Variants in ZMIZ1 observed in about 807,000 individuals in gnomAD.
ZMIZ1 encodes the protein zinc finger MIZ domain-containing protein 1.
Under a neutral mutation model 113.9 loss-of-function variants are expected in ZMIZ1, and 17 were observed. That is an observed-to-expected ratio of 0.15 (90% confidence interval 0.10 to 0.22). The LOEUF (loss-of-function observed/expected upper bound fraction) is 0.22. Among genes scored for constraint, ZMIZ1 ranks in the 10% least tolerant of loss-of-function variants. The probability of loss-of-function intolerance (pLI) is 1.00; values close to 1 mark genes in which losing one functional copy is unlikely to be tolerated. For missense variants in ZMIZ1, 1,059 were observed against 1,477.8 expected, an observed-to-expected ratio of 0.72 and a Z score of 4.65; for synonymous variants, 607 against 603.1, an observed-to-expected ratio of 1.01 and a Z score of -0.09.
At chr10:79,089,684 T>C (rs1238326555) in intron 1 of ZMIZ1, among the ~76,000 whole-genome samples, 1 of 152,028 alleles carries the variant, frequency 6.6e-6, no homozygotes, top group Admixed American at 6.5e-5. Context: ...GATCACCACC[T>C]CCGTGAGCAT....
rs149721244 is a variant in ZMIZ1, at chr10:79,082,983, G to A, written c.-337+13713G>A. On this transcript the variant is annotated intron_variant, in intron 1 of 24. Coordinates refer to ENST00000334512, the MANE Select transcript of ZMIZ1 (RefSeq NM_020338.4). ...AGCTACCCAAGGAAGGTGGATTCAT[G>A]TATTCCTTTGTCAAGTTTATCAAGC... is the stretch of plus-strand genomic sequence containing the variant. Among the ~76,000 whole-genome samples the A allele has an allele frequency of 1.5e-3, 229 of 152,300 alleles. 1 individual carries two copies. The highest frequency in any genetic ancestry group is 2.3e-3 in the Non-Finnish European group (158 of 68,028).
intron 4 of ZMIZ1, among the ~76,000 whole-genome samples, chr10:79,166,972 G>A (rs1041171718): frequency 3.3e-5 from 5 of 152,262 alleles, no homozygotes; most frequent in Admixed American, 6.5e-5. Flanking sequence ...TCACATGCTA[G>A]CCTTCTGCCA....
chr10:79,163,440 C>T (rs192993335), intron 4 of ZMIZ1, among the ~76,000 whole-genome samples: 1 of 152,388 alleles, frequency 6.6e-6, no homozygotes, highest in Admixed American at 6.5e-5. Context: ...GACAGAGCTG[C>T]TGTGAGGATG....
In ZMIZ1 at chr10:79,277,188, G is replaced by A; in HGVS notation, c.288G>A (p.Leu96=). 6.5e-7 allele frequency: 1 copy of A among 1,545,624 alleles called. No homozygotes were observed. Among genetic ancestry groups the A allele is most frequent in the Middle Eastern group, 1.9e-4 (1 of 5,290 alleles). ...GTCCTGTCCTTCCTGCAGCCTTGTT[G>A]TCCTCCTGGTGCGAAGAGCTCGGCC... is the stretch of plus-strand genomic sequence containing the variant. ...DKFTPKSAAL[L]SSWCEELGRL... Residue 96 remains leucine, a synonymous_variant, in exon 8 of 25, where the codon TTG becomes TTA. Coordinates refer to ENST00000334512, the MANE Select transcript of ZMIZ1 (RefSeq NM_020338.4).
At chr10:79,232,147 G>T (rs1849418990) in intron 7 of ZMIZ1, among the ~76,000 whole-genome samples, 1 of 152,198 alleles carries the variant, frequency 6.6e-6, no homozygotes, top group Non-Finnish European at 1.5e-5. Flanking sequence ...AGGAAACGGG[G>T]CTAACTGTAA....
chr10:79,222,991 G>T (rs1223986379), intron 7 of ZMIZ1, among the ~76,000 whole-genome samples: 1 of 152,218 alleles, frequency 6.6e-6, no homozygotes, highest in Non-Finnish European at 1.5e-5. Context: ...CTGGCTGAAT[G>T]GTGGACTCTC....
chr10:79,208,571 G>A, intron 6 of ZMIZ1, 122 bp downstream of exon 6: 1 of 801,598 alleles, frequency 1.2e-6, no homozygotes, highest in Non-Finnish European at 2.0e-6. Flanking sequence ...AGAGAGCTGG[G>A]AAGACACTGG....
At chr10:79,157,631 G>C (rs574572698) in intron 3 of ZMIZ1, among the ~76,000 whole-genome samples, 1 of 152,148 alleles carries the variant, frequency 6.6e-6, no homozygotes, top group Non-Finnish European at 1.5e-5. Context: ...TGGCCCGTGG[G>C]CCTTGGCCTG....
At chr10:79,145,085 C>T (rs1564678294) in intron 3 of ZMIZ1, among the ~76,000 whole-genome samples, 1 of 151,900 alleles carries the variant, frequency 6.6e-6, no homozygotes, top group Non-Finnish European at 1.5e-5. Context: ...TCCCCTCCTC[C>T]CTCCTTCCTG....
At chr10:79,274,458 G>C (rs762845046) in intron 7 of ZMIZ1, among the ~76,000 whole-genome samples, 21 of 152,230 alleles carry the variant, frequency 1.4e-4, no homozygotes, top group Non-Finnish European at 1.5e-4. Flanking sequence ...GCCTGCCTCT[G>C]TCTGTCCCTG....
Position 79,298,468 on chromosome 10 carries a change from C to T in ZMIZ1, c.1554C>T (p.Pro518=), listed in dbSNP as rs777619740. ...CACCTGTTCCAGGGAACCCCACACC[C>T]CCCATGACCCCTGGGAGCAGCATCC... The part of the protein sequence containing the change: ...PHSPVPGNPT[P]PMTPGSSIPP... The change falls in exon 15 of 25, where the codon CCC becomes CCT. Residue 518 remains proline, a synonymous_variant. Transcript: ENST00000334512. 3.1e-6 allele frequency: 5 copies of T among 1,607,614 alleles called. No homozygotes were observed. The Middle Eastern group carries it at 6.6e-4, about 213-fold the overall frequency.
chr10:79,109,585 C>T (rs1843667732), intron 1 of ZMIZ1, among the ~76,000 whole-genome samples: 1 of 152,202 alleles, frequency 6.6e-6, no homozygotes, highest in African/African-American at 2.4e-5. Context: ...CACTCCCAGG[C>T]CCCCACACTG....
chr10:79,181,780 A>G (rs928210266), intron 4 of ZMIZ1, among the ~76,000 whole-genome samples: 1 of 151,326 alleles, frequency 6.6e-6, no homozygotes, highest in Non-Finnish European at 1.5e-5. Flanking sequence ...TCTACCCACA[A>G]CCCACAGTCC....
At chr10:79,269,409 T>TG (rs555054154) in intron 7 of ZMIZ1, among the ~76,000 whole-genome samples, 595 of 150,616 alleles carry the variant, frequency 4.0e-3, no homozygotes, top group African/African-American at 0.014. Flanking sequence ...GCCCCATCCC[T>TG]GGGGGTCTCC....
At chr10:79,086,055 A>G (rs1365997938) in intron 1 of ZMIZ1, among the ~76,000 whole-genome samples, 3 of 152,102 alleles carry the variant, frequency 2.0e-5, no homozygotes, top group Non-Finnish European at 2.9e-5. Context: ...TTTGGAGTCT[A>G]CTGGAGCATT....
At chr10:79,312,443 C>T (rs1005716748) in intron 24 of ZMIZ1, among the ~76,000 whole-genome samples, 199 bp from the exon 25 acceptor site, 1 of 152,232 alleles carries the variant, frequency 6.6e-6, no homozygotes, top group African/African-American at 2.4e-5. Context: ...ATGGGGGTGC[C>T]CCACACTCGG....
At position 79,142,770 on chromosome 10, in the gene ZMIZ1, T is replaced by A. The variant is rs183683109; in HGVS notation, c.-131+2993T>A. Among the ~76,000 whole-genome samples, 9 of 152,348 alleles carry A rather than the reference T, an allele frequency of 5.9e-5. No individual in the cohort carries two copies. The East Asian group carries it at 1.7e-3, about 29-fold the overall frequency. ...CTGATGTCTGTCCACTTTCCCACTT[T>A]CTTCAGCTAGCACTATGGACCTCCC... On this transcript the variant is annotated intron_variant, in intron 3 of 24. Transcript: ENST00000334512.
At chr10:79,071,048 C>G (rs558194897) in intron 1 of ZMIZ1, among the ~76,000 whole-genome samples, 1 of 152,300 alleles carries the variant, frequency 6.6e-6, no homozygotes, top group South Asian at 2.1e-4. Flanking sequence ...CCTCTCTGCT[C>G]TGCCACGGAC....
chr10:79,258,720 T>C (rs999193100), intron 7 of ZMIZ1, among the ~76,000 whole-genome samples: 2 of 152,320 alleles, frequency 1.3e-5, no homozygotes, highest in South Asian at 4.1e-4. Context: ...CCAGCCCAGA[T>C]AGCTCCCCTT....
Sources: gnomAD v4.1 joint callset for allele counts (sites outside exome capture counted in the v4.1 genomes callset) on GRCh38, gnomAD v4.1.1 for gene constraint, MANE v1.5 for transcripts, NCBI Gene and HGNC (gene_info 2026-07-23, HGNC 2026-07-21) for gene names.